CSTPP1: variants seen among roughly 807,000 people sequenced by gnomAD.
The protein encoded by CSTPP1 is UPF0705 protein C11orf49.
chr11:47,142,197 C>T, the CSTPP1 span, among the ~76,000 whole-genome samples: 9 of 149,404 alleles, frequency 6.0e-5, no homozygotes, highest in Admixed American at 2.7e-4. Flanking sequence ...GAGCCGAGAT[C>T]GCGCCACTGC....
the CSTPP1 span, among the ~76,000 whole-genome samples, chr11:47,032,816 A>G: frequency 9.0e-3 from 1,364 of 152,322 alleles, 20 homozygotes; most frequent in African/African-American, 0.03. Flanking sequence ...TGAGGGTTAC[A>G]GGTGCCGACC....
the CSTPP1 span, among the ~76,000 whole-genome samples, chr11:46,946,646 A>C: frequency 6.6e-6 from 1 of 152,266 alleles, no homozygotes; most frequent in Non-Finnish European, 1.5e-5. Flanking sequence ...CGACAGAGCG[A>C]GACTCCATCT....
At chr11:47,090,585 G>C in the CSTPP1 span, among the ~76,000 whole-genome samples, 1 of 152,128 alleles carries the variant, frequency 6.6e-6, no homozygotes, top group Non-Finnish European at 1.5e-5. Flanking sequence ...AGCATCATGG[G>C]GGCTGCACAG....
At chr11:46,937,431 T>C in the CSTPP1 span, among the ~76,000 whole-genome samples, 28 of 152,262 alleles carry the variant, frequency 1.8e-4, 1 homozygote, top group African/African-American at 6.3e-4. Context: ...ACTTGAGATA[T>C]TGACTTGGCT....
the CSTPP1 span, among the ~76,000 whole-genome samples, chr11:46,951,623 T>C: frequency 6.6e-6 from 1 of 152,228 alleles, no homozygotes; most frequent in Non-Finnish European, 1.5e-5. Flanking sequence ...TAACATTTTC[T>C]TGGTGAGGTA....
chr11:47,123,571 T>C, the CSTPP1 span, among the ~76,000 whole-genome samples: 47 of 152,266 alleles, frequency 3.1e-4, no homozygotes, highest in African/African-American at 1.1e-3. Context: ...GAATAAAAAA[T>C]CAAAATCCTT....
chr11:47,021,264 C>T, the CSTPP1 span, among the ~76,000 whole-genome samples: 2 of 152,176 alleles, frequency 1.3e-5, no homozygotes, highest in African/African-American at 4.8e-5. Flanking sequence ...CTCATCTCTG[C>T]AGGCTCCTGC....
chr11:47,117,528 G>C, the CSTPP1 span, among the ~76,000 whole-genome samples: 16 of 152,118 alleles, frequency 1.1e-4, no homozygotes, highest in South Asian at 2.1e-4. Flanking sequence ...TCCCTTTGTG[G>C]GTAACTCAAC....
the CSTPP1 span, among the ~76,000 whole-genome samples, chr11:47,140,663 T>G: frequency 1.4e-5 from 2 of 145,566 alleles, no homozygotes; most frequent in Admixed American, 1.4e-4. Context: ...GGTCTCAAAT[T>G]CCTGACCTCA....
the CSTPP1 span, among the ~76,000 whole-genome samples, chr11:47,132,532 A>C: frequency 6.6e-6 from 1 of 152,314 alleles, no homozygotes; most frequent in Non-Finnish European, 1.5e-5. Flanking sequence ...TGTAGTTCTT[A>C]CACTTTTAAG....
the CSTPP1 span, among the ~76,000 whole-genome samples, chr11:46,993,618 T>C: frequency 6.6e-6 from 1 of 152,124 alleles, no homozygotes; most frequent in African/African-American, 2.4e-5. Flanking sequence ...AGGGCTCTGT[T>C]CTGTTCCATT....
the CSTPP1 span, among the ~76,000 whole-genome samples, chr11:47,075,243 A>G: frequency 2.2e-4 from 33 of 151,186 alleles, no homozygotes; most frequent in Non-Finnish European, 4.1e-4. Context: ...GTGATGGCAG[A>G]TGTCTGTAGT....
chr11:47,094,480 C>G, the CSTPP1 span, among the ~76,000 whole-genome samples: 28 of 150,250 alleles, frequency 1.9e-4, no homozygotes, highest in African/African-American at 4.6e-4. Flanking sequence ...TTACCACACA[C>G]AGAGAGAGAG....
At chr11:47,161,610 C>T in the CSTPP1 span, 1 of 1,613,812 alleles carries the variant, frequency 6.2e-7, no homozygotes, top group Non-Finnish European at 8.5e-7. Flanking sequence ...GATGGCTCCA[C>T]TGAAGAGACA....
the CSTPP1 span, among the ~76,000 whole-genome samples, chr11:47,100,848 T>G: frequency 7.3e-6 from 1 of 137,878 alleles, no homozygotes; most frequent in Non-Finnish European, 1.6e-5. Flanking sequence ...AGTATTACAG[T>G]ATAACCTTCT....
chr11:47,072,865 G>A, the CSTPP1 span, among the ~76,000 whole-genome samples: 6 of 152,136 alleles, frequency 3.9e-5, no homozygotes, highest in African/African-American at 4.8e-5. Context: ...AATTCAGAAA[G>A]CAATGATGAG....
the CSTPP1 span, among the ~76,000 whole-genome samples, chr11:47,124,114 C>CTTTTTTTTTTTTTTTTTTTTTT: frequency 1.6e-5 from 1 of 63,216 alleles, no homozygotes; most frequent in Non-Finnish European, 2.7e-5. Flanking sequence ...AATGGTCTTA[C>CTTTTTTTTTTTTTTTTTTTTTT]TTTTTTTTTT....
At chr11:47,018,359 A>G in the CSTPP1 span, among the ~76,000 whole-genome samples, 5 of 145,074 alleles carry the variant, frequency 3.4e-5, no homozygotes, top group African/African-American at 1.3e-4. Flanking sequence ...CAGTGGTGCA[A>G]TGTTGGCTCA....
chr11:47,038,899 G>A, the CSTPP1 span, among the ~76,000 whole-genome samples: 3 of 119,030 alleles, frequency 2.5e-5, no homozygotes, highest in African/African-American at 7.8e-5. Context: ...CTCACATCCC[G>A]GACGGGGCGG....
Sources: gnomAD v4.1 joint callset for allele counts (sites outside exome capture counted in the v4.1 genomes callset) on GRCh38, gnomAD v4.1.1 for gene constraint, MANE v1.5 for transcripts, NCBI Gene and HGNC (gene_info 2026-07-23, HGNC 2026-07-21) for gene names.